MMP11: variants seen among roughly 807,000 people sequenced by gnomAD.
The protein encoded by MMP11 is stromelysin-3.
MMP11 carries 26 observed loss-of-function variants against 49.5 expected under a neutral mutation model. The ratio of observed to expected loss-of-function variants is 0.52; its 90% CI spans 0.38 to 0.73. The LOEUF (loss-of-function observed/expected upper bound fraction) is 0.73, where lower values mean the gene tolerates loss of function less well. MMP11 is among the 30% of genes least tolerant of loss of function. The probability of loss-of-function intolerance (pLI) is 0.00; values close to 1 mark genes in which losing one functional copy is unlikely to be tolerated. For synonymous variants in MMP11, 265 were observed against 282.3 expected, an observed-to-expected ratio of 0.94 and a Z score of 0.62; for missense variants, 624 against 671.2, an observed-to-expected ratio of 0.93 and a Z score of 0.78.
In MMP11 at chr22:23,783,537, T is replaced by G; in HGVS notation, c.1460T>G (p.Phe487Cys). The G allele has an allele frequency of 1.2e-6, 2 of 1,614,158 alleles. No individual in the cohort carries two copies. The highest frequency in any genetic ancestry group is 1.7e-6 in the Non-Finnish European group (2 of 1,179,994). The change falls in exon 8 of 8, where the codon TTC (phenylalanine) becomes TGC (cysteine). Residue 487 changes from phenylalanine (F) to cysteine (C), a missense_variant. By Grantham distance (205) the Phe-to-Cys change is radical. Coordinates refer to ENST00000215743, the MANE Select transcript of MMP11 (RefSeq NM_005940.5). The part of the protein sequence containing the change: ...FFGCAEPANT[F>C]L Reference sequence around the variant, plus strand: ...GGCTGTGCCGAGCCTGCCAACACTTTCCTCTGACCATGGCTTGGATGCCCT... The same window carrying G: ...GGCTGTGCCGAGCCTGCCAACACTTGCCTCTGACCATGGCTTGGATGCCCT...
rs758489965 is a variant in MMP11, at chr22:23,780,449, C to T, written c.429C>T (p.Leu143=). 2 of 1,614,080 alleles carry T rather than the reference C, an allele frequency of 1.2e-6. No homozygotes were observed. The highest frequency in any genetic ancestry group is 1.7e-5 in the Admixed American group (1 of 60,024). Residue 143 remains leucine, a synonymous_variant, in exon 3 of 8, where the codon CTC becomes CTT. Transcript: ENST00000215743. The surrounding 1 kb of genome is among the most constrained non-coding windows in gnomAD (Gnocchi z 4.6). ...ALKVWSDVTP[L]TFTEVHEGRA... ...AGGTATGGAGCGATGTGACGCCACT[C>T]ACCTTTACTGAGGTGCACGAGGGCC...
intron 1 of MMP11, among the ~76,000 whole-genome samples, chr22:23,777,424 G>A (rs1161391103): frequency 2.0e-5 from 3 of 152,050 alleles, no homozygotes; most frequent in East Asian, 1.9e-4. Flanking sequence ...AAAATTAGCC[G>A]GGCATGGCAG....
intron 1 of MMP11, among the ~76,000 whole-genome samples, chr22:23,773,317 C>T (rs1273445705): frequency 6.6e-6 from 1 of 152,114 alleles, no homozygotes; most frequent in Non-Finnish European, 1.5e-5. Context: ...AACAGGGCCC[C>T]CTATTCATCG....
chr22:23,781,052 C>T lies in MMP11; in HGVS notation c.810C>T (p.Ala270=). The part of the protein sequence containing the change: ...PWPTVTSRTP[A]LGPQAGIDTN... ...CCACTGTCACCTCCAGGACCCCAGC[C>T]CTGGGCCCCCAGGCTGGGATAGACA... The change falls in exon 5 of 8, where the codon GCC becomes GCT. Residue 270 remains alanine, a synonymous_variant. Coordinates refer to ENST00000215743, the MANE Select transcript of MMP11 (RefSeq NM_005940.5). 1 of 1,611,352 alleles carries T rather than the reference C, an allele frequency of 6.2e-7. No homozygotes were observed. The highest frequency in any genetic ancestry group is 8.5e-7 in the Non-Finnish European group (1 of 1,180,002).
At position 23,772,890 on chromosome 22, in the gene MMP11, T is replaced by C. The variant is rs1332994730; in HGVS notation, c.20T>C (p.Leu7Pro). Residue 7 changes from leucine (L) to proline (P), a missense_variant, in exon 1 of 8, where the codon CTC becomes CCC. By Grantham distance (98) the Leu-to-Pro change is moderately conservative (BLOSUM62 -3). Transcript: ENST00000215743. ...GGGCGGATGGCTCCGGCCGCCTGGCTCCGCAGCGCGGCCGCGCGCGCCCTC... is the reference window on the plus strand; with the variant it reads ...GGGCGGATGGCTCCGGCCGCCTGGCCCCGCAGCGCGGCCGCGCGCGCCCTC... The part of the protein sequence containing the change: MAPAAW[L>P]RSAAARALLP... 21 of 1,163,370 alleles carry C rather than the reference T, an allele frequency of 1.8e-5. No individual in the cohort carries two copies. Among genetic ancestry groups the C allele is most frequent in the South Asian group, 1.3e-4 (3 of 23,926 alleles). 72.1% of individuals were successfully genotyped at this position (1,163,370 alleles called of 1,614,324 possible).
rs531607764 is a variant in MMP11 at position 23,778,156 on chromosome 22, A to G, written c.109-1031A>G. The stretch of plus-strand genomic sequence containing the variant: ...CCCTCTCCTTCAGTGCAGGAAGGAC[A>G]CTTGGCTTCTGTGCGGTGTCCAGAG... On this transcript the variant is annotated intron_variant, in intron 1 of 7. Coordinates refer to ENST00000215743, the MANE Select transcript of MMP11 (RefSeq NM_005940.5). 2.6e-5 allele frequency among the ~76,000 whole-genome samples: 4 copies of G among 152,340 alleles called. No homozygotes were observed. In the South Asian group the frequency reaches 8.3e-4, roughly 32 times the overall value.
chr22:23,782,064 C>A, intron 6 of MMP11, 162 bp from the exon 7 acceptor site: 1 of 1,049,020 alleles, frequency 9.5e-7, no homozygotes, highest in Non-Finnish European at 1.4e-6. Context: ...CCTCCCGCTT[C>A]CCTCTGCGGG....
In MMP11 at chr22:23,781,063, A is replaced by T. The variant is rs1444992941; in HGVS notation, c.821A>T (p.Gln274Leu). The T allele has an allele frequency of 5.0e-6, 8 of 1,609,790 alleles. No individual in the cohort carries two copies. In the South Asian group the frequency reaches 7.7e-5, roughly 15 times the overall value. Residue 274 changes from glutamine to leucine, a missense_variant, in exon 5 of 8, where the codon CAG (glutamine) becomes CTG (leucine). Physicochemically the swap from Gln to Leu is moderately radical, Grantham distance 113. Coordinates refer to ENST00000215743, the MANE Select transcript of MMP11 (RefSeq NM_005940.5). ...VTSRTPALGP[Q>L]AGIDTNEIAP... ...TCCAGGACCCCAGCCCTGGGCCCCC[A>T]GGCTGGGATAGACACCAATGAGATT... is the stretch of plus-strand genomic sequence containing the variant.
chr22:23,773,270 T>G lies in MMP11; in HGVS notation c.108+292T>G, dbSNP rs572441620. On this transcript the variant is annotated intron_variant, in intron 1 of 7. Coordinates refer to ENST00000215743, the MANE Select transcript of MMP11 (RefSeq NM_005940.5). ...CCTCTCGCGCTCCAGCCGCGGGTGC[T>G]GGAGTGTGCGTTGAAGGAAGCAGCA... 5.3e-5 allele frequency among the ~76,000 whole-genome samples: 8 copies of G among 152,226 alleles called. 1 individual carries two copies. In the East Asian group the frequency reaches 1.5e-3, roughly 29 times the overall value.
At position 23,782,265 on chromosome 22, in the gene MMP11, TG is replaced by T. The variant is rs748440145; in HGVS notation, c.1118del (p.Gly373AlafsTer11). On this transcript the variant is annotated frameshift_variant, in exon 7 of 8. Transcript: ENST00000215743. LOFTEE classifies it high-confidence loss of function. ...YWVYDGEKPVLGPAPLTELGL... is the reference protein window; with the variant it reads ...YWVYDGEKPVXGPAPLTELGL... Reference sequence around the variant, plus strand: ...GTGTACGACGGTGAAAAGCCAGTCCTGGGCCCCGCACCCCTCACCGAGCTGG... The same window carrying T: ...GTGTACGACGGTGAAAAGCCAGTCCTGGCCCCGCACCCCTCACCGAGCTGG... 1.1e-5 allele frequency: 17 copies of T among 1,613,494 alleles called. No individual in the cohort carries two copies. The highest frequency in any genetic ancestry group is 1.4e-5 in the Non-Finnish European group (17 of 1,179,994).
chr22:23,783,319 C>T lies in MMP11; in HGVS notation c.1334-92C>T, dbSNP rs1927710428. The T allele has an allele frequency of 3.3e-6, 5 of 1,522,834 alleles. No individual in the cohort carries two copies. The South Asian group carries it at 4.6e-5, about 14-fold the overall frequency. The allele number at this position is 1,522,834 out of a possible 1,614,324, so 94.3% of individuals were successfully genotyped here. A position where few individuals can be genotyped will look rare whatever the true frequency, so the allele number is the denominator to read the frequency against. On this transcript the variant is annotated intron_variant, in intron 7 of 7. Transcript: ENST00000215743. ...AGTGGCCAAGGGCTTCCCACTCAGC[C>T]CTCCCTTAGTGCCCATCCCTGGGCA...
rs976689203 is a variant in MMP11 at position 23,772,869 on chromosome 22, G to T, written c.-2G>T. 1.3e-5 allele frequency: 15 copies of T among 1,155,358 alleles called. No homozygotes were observed. Among genetic ancestry groups the T allele is most frequent in the Non-Finnish European group, 1.6e-5 (15 of 939,108 alleles). The allele number at this position is 1,155,358 out of a possible 1,614,324, so 71.6% of individuals were successfully genotyped here. A position where few individuals can be genotyped will look rare whatever the true frequency, so the allele number is the denominator to read the frequency against. ...CCAGCAAGCCCAGCAGCCCCGGGGC[G>T]GATGGCTCCGGCCGCCTGGCTCCGC... On this transcript the variant is annotated 5_prime_UTR_variant, in exon 1 of 8. Transcript: ENST00000215743.
chr22:23,780,222 A>T lies in MMP11; in HGVS notation c.339-137A>T. The T allele has an allele frequency of 1.9e-6, 2 of 1,060,286 alleles. No individual in the cohort carries two copies. The highest frequency in any genetic ancestry group is 3.0e-5 in the South Asian group (2 of 66,818). 65.7% of individuals were successfully genotyped at this position (1,060,286 alleles called of 1,614,324 possible). On this transcript the variant is annotated intron_variant, in intron 2 of 7. Coordinates refer to ENST00000215743, the MANE Select transcript of MMP11 (RefSeq NM_005940.5). The surrounding 1 kb of genome is among the most constrained non-coding windows in gnomAD (Gnocchi z 4.6). The stretch of plus-strand genomic sequence containing the variant: ...TGTGGCCAGGGAGACCAGTGCGCTG[A>T]AGCTGAGGCCCAGAGTACACCTGGC...
chr22:23,782,133 G>A, intron 6 of MMP11, 93 bp from the exon 7 acceptor site: 2 of 1,524,878 alleles, frequency 1.3e-6, no homozygotes, highest in Non-Finnish European at 1.8e-6. Context: ...AACTGAGGCT[G>A]GGAGAGTCTG....
chr22:23,776,577 C>T (rs1265114272), intron 1 of MMP11, among the ~76,000 whole-genome samples: 2 of 152,208 alleles, frequency 1.3e-5, no homozygotes, highest in Non-Finnish European at 2.9e-5. Context: ...AAGGGTAACT[C>T]AACCCCTGCA....
intron 6 of MMP11, 54 bp downstream of exon 6, chr22:23,781,463 T>C: frequency 6.7e-7 from 1 of 1,492,700 alleles, no homozygotes; most frequent in South Asian, 1.2e-5. Flanking sequence ...AGGAATGTTA[T>C]GGCCAAGGGC....
Position 23,780,828 on chromosome 22 carries a change from CG to C in MMP11, c.617-26del. On this transcript the variant is annotated intron_variant, in intron 4 of 7. Coordinates refer to ENST00000215743, the MANE Select transcript of MMP11 (RefSeq NM_005940.5). The surrounding 1 kb of genome is among the most constrained non-coding windows in gnomAD (Gnocchi z 4.6). ...AGCTGGATGTCCTGGGCAGGAGGTTCGGGGGTTGCTGAGCCACCTCCCTTTT... is the reference window on the plus strand; with the variant it reads ...AGCTGGATGTCCTGGGCAGGAGGTTCGGGGTTGCTGAGCCACCTCCCTTTT... The C allele has an allele frequency of 1.9e-6, 3 of 1,599,228 alleles. No homozygotes were observed. The highest frequency in any genetic ancestry group is 2.6e-6 in the Non-Finnish European group (3 of 1,172,210).
At position 23,772,904 on chromosome 22, in the gene MMP11, G is replaced by C; in HGVS notation, c.34G>C (p.Ala12Pro). 5 of 1,173,252 alleles carry C rather than the reference G, an allele frequency of 4.3e-6. 1 individual carries two copies. The South Asian group carries it at 2.0e-4, about 47-fold the overall frequency. The allele number at this position is 1,173,252 out of a possible 1,614,324, so 72.7% of individuals were successfully genotyped here. ...GGCCGCCTGGCTCCGCAGCGCGGCC[G>C]CGCGCGCCCTCCTGCCCCCGATGCT... ...APAAWLRSAA[A>P]RALLPPMLLL... The change falls in exon 1 of 8, where the codon GCG becomes CCG. Residue 12 changes from alanine to proline, a missense_variant. By Grantham distance (27) the Ala-to-Pro change is conservative. Coordinates refer to ENST00000215743, the MANE Select transcript of MMP11 (RefSeq NM_005940.5).
chr22:23,773,100 A>G (rs771031543), intron 1 of MMP11, 122 bp downstream of exon 1: 779 of 1,032,492 alleles, frequency 7.5e-4, no homozygotes, highest in Non-Finnish European at 8.9e-4. Flanking sequence ...CCGGTACCCG[A>G]AACGCTTTCT....
Sources: allele counts gnomAD v4.1 joint callset (sites outside exome capture counted in the v4.1 genomes callset), GRCh38; gene constraint gnomAD v4.1.1; non-coding constraint Gnocchi (gnomAD v3.1); transcripts MANE v1.5; gene names NCBI Gene and HGNC (gene_info 2026-07-23, HGNC 2026-07-21).